The following SERPINB5 variants were observed in gnomAD, a reference collection of about 807,000 sequenced individuals.
SERPINB5 encodes the protein serpin B5.
SERPINB5 carries 27 observed loss-of-function variants against 32.2 expected under a neutral mutation model. That is an observed-to-expected ratio of 0.84 (90% CI 0.62 to 1.16). The LOEUF (loss-of-function observed/expected upper bound fraction) is 1.16, where lower values mean the gene tolerates loss of function less well. Ranked by LOEUF, SERPINB5 falls within the 50% of genes most tolerant of loss-of-function variation. SERPINB5 has a pLI of 0.00. For missense variants in SERPINB5, 388 were observed against 436.3 expected, an observed-to-expected ratio of 0.89 and a Z score of 0.99; for synonymous variants, 154 against 157.4, an observed-to-expected ratio of 0.98 and a Z score of 0.16.
At chr18:63,479,652 A>C (rs141572639) in intron 1 of SERPINB5, among the ~76,000 whole-genome samples, 1 of 152,246 alleles carries the variant, frequency 6.6e-6, no homozygotes, top group East Asian at 1.9e-4. Context: ...TCATCAAAAC[A>C]CTTAAAACAG....
At chr18:63,490,633 G>A (rs1282804195) in intron 4 of SERPINB5, 3 of 152,140 alleles carry the variant, frequency 2.0e-5, no homozygotes, top group African/African-American at 7.2e-5. Context: ...TCTCTGTACT[G>A]ACTGAGGAAG....
intron 5 of SERPINB5, 170 bp downstream of exon 5, chr18:63,493,265 A>C: frequency 1.3e-6 from 1 of 769,000 alleles, no homozygotes; most frequent in East Asian, 2.7e-5. Context: ...AAGAGCCAGA[A>C]TCCAGAGGCC....
intron 1 of SERPINB5, among the ~76,000 whole-genome samples, chr18:63,479,818 G>C (rs1406390828): frequency 1.2e-4 from 19 of 152,210 alleles, no homozygotes; most frequent in Non-Finnish European, 1.5e-5. Flanking sequence ...TGGCAGAAAG[G>C]GAACAAGGGC....
At position 63,489,476 on chromosome 18, in the gene SERPINB5, TTA is replaced by T; in HGVS notation, c.424+13_424+14del. On this transcript the variant is annotated intron_variant, in intron 4 of 6. Coordinates refer to ENST00000382771, the MANE Select transcript of SERPINB5 (RefSeq NM_002639.5). ...GGATCTCACAGATGGCAAGTACCCT[TTA>T]ATTGTTCTGCTATCAATCACCAAGT... 2.1e-6 allele frequency: 3 copies of T among 1,450,248 alleles called. No individual in the cohort carries two copies. Among genetic ancestry groups the T allele is most frequent in the Non-Finnish European group, 2.9e-6 (3 of 1,035,746 alleles). 89.8% of individuals were successfully genotyped at this position (1,450,248 alleles called of 1,614,324 possible).
In SERPINB5 at chr18:63,499,226, A is replaced by G. The variant is rs986294488; in HGVS notation, c.674A>G (p.His225Arg). 46 of 1,601,408 alleles carry G rather than the reference A, an allele frequency of 2.9e-5. No individual in the cohort carries two copies. Among genetic ancestry groups the G allele is most frequent in the Non-Finnish European group, 3.7e-5 (43 of 1,173,494 alleles). ...ATAGAGCTTCCTTTTCAAAATAAGCATCTCAGCATGTTCATCCTACTACCC... is the reference window on the plus strand; with the variant it reads ...ATAGAGCTTCCTTTTCAAAATAAGCGTCTCAGCATGTTCATCCTACTACCC... Reference protein sequence around the residue: ...KIIELPFQNKHLSMFILLPKD... With the variant: ...KIIELPFQNKRLSMFILLPKD... The change falls in exon 6 of 7, where the codon CAT (histidine) becomes CGT (arginine). Residue 225 changes from histidine to arginine, a missense_variant. Transcript: ENST00000382771.
chr18:63,499,021 ATG>A (rs1357148734), intron 5 of SERPINB5, 97 bp from the exon 6 acceptor site: 300 of 480,996 alleles, frequency 6.2e-4, no homozygotes, highest in South Asian at 1.5e-3. Flanking sequence ...GTGGGTATAT[ATG>A]TGTGTGTGTG....
At position 63,504,082 on chromosome 18, in the gene SERPINB5, C is replaced by T; in HGVS notation, c.*360C>T. 3 of 244,966 alleles carry T rather than the reference C, an allele frequency of 1.2e-5. No individual in the cohort carries two copies. In the South Asian group the frequency reaches 1.7e-4, roughly 14 times the overall value. 15.2% of individuals were successfully genotyped at this position (244,966 alleles called of 1,614,324 possible). On this transcript the variant is annotated 3_prime_UTR_variant, in exon 7 of 7. Transcript: ENST00000382771. The stretch of plus-strand genomic sequence containing the variant: ...GATTTGGAAGCTCTTCTTCCCAGCA[C>T]TATGCTTTCCTTCTTTGGGATAGAG...
chr18:63,489,114 TATTAA>T (rs1917258892), intron 3 of SERPINB5, among the ~76,000 whole-genome samples: 2 of 152,246 alleles, frequency 1.3e-5, no homozygotes, highest in Admixed American at 1.3e-4. Flanking sequence ...CCAAAGCTGA[TATTAA>T]ATTGATAGAT....
chr18:63,482,045 C>T (rs1305927619), intron 1 of SERPINB5, among the ~76,000 whole-genome samples: 1 of 152,176 alleles, frequency 6.6e-6, no homozygotes, highest in Non-Finnish European at 1.5e-5. Flanking sequence ...TGGAAATGAC[C>T]AGTGAGCATG....
At chr18:63,477,079 C>T (rs1316240108) in intron 1 of SERPINB5, 34 bp downstream of exon 1, 1 of 152,206 alleles carries the variant, frequency 6.6e-6, no homozygotes, top group Non-Finnish European at 1.5e-5. Context: ...CTGGTGACTT[C>T]CTTTTTTCAG....
chr18:63,499,365 C>T (rs947947000), intron 6 of SERPINB5, 78 bp downstream of exon 6: 14 of 1,301,854 alleles, frequency 1.1e-5, no homozygotes, highest in Middle Eastern at 2.5e-4. Flanking sequence ...CTGTGTGGGC[C>T]GTGAGAGCTG....
At chr18:63,487,152 C>A in intron 3 of SERPINB5, 69 bp downstream of exon 3, 1 of 1,485,918 alleles carries the variant, frequency 6.7e-7, no homozygotes. Flanking sequence ...GCTGTTAGAC[C>A]TACAACTTTT....
At chr18:63,492,416 T>C (rs942219869) in intron 4 of SERPINB5, among the ~76,000 whole-genome samples, 1 of 152,216 alleles carries the variant, frequency 6.6e-6, no homozygotes, top group Non-Finnish European at 1.5e-5. Flanking sequence ...ATGGAGATAA[T>C]GATCTTTGCC....
chr18:63,478,758 G>GTT (rs10669993), intron 1 of SERPINB5, among the ~76,000 whole-genome samples: 24,878 of 135,294 alleles, frequency 0.18, 3,839 homozygotes, highest in African/African-American at 0.38. Context: ...TAAAAACGTA[G>GTT]TTTTTTTTTT....
intron 1 of SERPINB5, among the ~76,000 whole-genome samples, chr18:63,478,758 G>GTTTTTTTTTTTTTTTTTTTTTTTT (rs10669993): frequency 4.4e-5 from 6 of 135,382 alleles, no homozygotes; most frequent in Non-Finnish European, 6.2e-5. Flanking sequence ...TAAAAACGTA[G>GTTTTTTTTTTTTTTTTTTTTTTTT]TTTTTTTTTT....
chr18:63,484,739 A>AAATT, intron 2 of SERPINB5, 143 bp downstream of exon 2: 2 of 144,456 alleles, frequency 1.4e-5, no homozygotes, highest in African/African-American at 5.3e-5. Context: ...GACTCTCTTA[A>AAATT]TCTTTTTTTT....
intron 6 of SERPINB5, among the ~76,000 whole-genome samples, chr18:63,502,525 T>TAA (rs35618498): frequency 1.2e-4 from 17 of 146,514 alleles, no homozygotes; most frequent in Non-Finnish European, 2.0e-4. Context: ...AAATTCCCAT[T>TAA]AAAAAAAAAA....
rs762070891 is a variant in SERPINB5 at position 63,484,554 on chromosome 18, T to A, written c.126T>A (p.Ala42=). The A allele has an allele frequency of 6.2e-7, 1 of 1,614,092 alleles. No individual in the cohort carries two copies. Among genetic ancestry groups the A allele is most frequent in the East Asian group, 2.2e-5 (1 of 44,878 alleles). ...GTCTCTCCACCTCTCTGTCACTTGCTCAAGTGGGTGCTAAAGGTGACACTG... is the reference window on the plus strand; with the variant it reads ...GTCTCTCCACCTCTCTGTCACTTGCACAAGTGGGTGCTAAAGGTGACACTG... The part of the protein sequence containing the change: ...PICLSTSLSL[A]QVGAKGDTAN... Residue 42 remains alanine, a synonymous_variant, in exon 2 of 7, where the codon GCT becomes GCA. Transcript: ENST00000382771.
At chr18:63,497,830 T>G (rs1257799295) in intron 5 of SERPINB5, among the ~76,000 whole-genome samples, 1 of 152,158 alleles carries the variant, frequency 6.6e-6, no homozygotes, top group African/African-American at 2.4e-5. Flanking sequence ...TATTCTGAAT[T>G]TACAATTTCT....
Sources: allele counts gnomAD v4.1 joint callset (sites outside exome capture counted in the v4.1 genomes callset), GRCh38; gene constraint gnomAD v4.1.1; transcripts MANE v1.5; gene names NCBI Gene and HGNC (gene_info 2026-07-23, HGNC 2026-07-21).